Variants in SYT12 observed in about 807,000 individuals in gnomAD.
SYT12 encodes the protein synaptotagmin 12, also known as synaptotagmin-12.
Under a neutral mutation model 39.5 loss-of-function variants are expected in SYT12, and 27 were observed. That is an observed-to-expected ratio of 0.68 (90% CI 0.50 to 0.94). The LOEUF is 0.94. Ranked by LOEUF, SYT12 falls within the 40% of genes least tolerant of loss-of-function variation. The pLI is 0.00. For synonymous variants in SYT12, 233 were observed against 239.7 expected (o/e 0.97, Z 0.26); for missense variants, 536 against 572.6 (o/e 0.94, Z 0.65).
intron 1 of SYT12, among the ~76,000 whole-genome samples, 159 bp downstream of exon 1, chr11:67,023,619 G>A (rs550782795): frequency 7.9e-5 from 12 of 152,238 alleles, no homozygotes; most frequent in Admixed American, 6.5e-4. Flanking sequence ...AACGAATGCC[G>A]GGCACCGCGC....
chr11:67,038,145 C>CTATT (rs34884260), intron 3 of SYT12, among the ~76,000 whole-genome samples: 32,526 of 147,816 alleles, frequency 0.22, 3,842 homozygotes, highest in Middle Eastern at 0.29. Context: ...GAAAATAAAA[C>CTATT]TATTTATTTA....
chr11:67,015,339 T>C (rs979214378), intron 3 of SYT12, among the ~76,000 whole-genome samples: 2 of 152,240 alleles, frequency 1.3e-5, no homozygotes, highest in Non-Finnish European at 2.9e-5. Context: ...CCTGGCCCCA[T>C]GAGTGCTGGC....
intron 7 of SYT12, among the ~76,000 whole-genome samples, chr11:67,047,985 GT>G (rs1388317220): frequency 6.7e-6 from 1 of 148,664 alleles, no homozygotes; most frequent in East Asian, 2.1e-4. Context: ...TAGAGACGGG[GT>G]TTCACCATGT....
At chr11:67,031,560 A>G (rs1950267894) in intron 2 of SYT12, 2 of 152,272 alleles carry the variant, frequency 1.3e-5, no homozygotes, top group African/African-American at 4.8e-5. Flanking sequence ...TAAGTGCTTC[A>G]TAAGGGGAGC....
exon 1 of SYT12, chr11:67,006,830 AG>A (rs1949974129): frequency 6.6e-6 from 1 of 152,252 alleles, no homozygotes; most frequent in Non-Finnish European, 1.5e-5. Flanking sequence ...AGAAGGAAAA[AG>A]GAAGCTGAAG....
chr11:67,047,985 G>A (rs1854617527), intron 7 of SYT12, among the ~76,000 whole-genome samples: 1 of 148,664 alleles, frequency 6.7e-6, no homozygotes, highest in African/African-American at 2.5e-5. Flanking sequence ...TAGAGACGGG[G>A]TTTCACCATG....
upstream of SYT12, among the ~76,000 whole-genome samples, chr11:67,018,483 C>A (rs1383488131): frequency 6.6e-6 from 1 of 152,000 alleles, no homozygotes; most frequent in African/African-American, 2.4e-5. Context: ...CATGATCTTA[C>A]CACCACATTT....
intron 2 of SYT12, among the ~76,000 whole-genome samples, chr11:67,033,634 C>T (rs1950310497): frequency 6.6e-6 from 1 of 152,220 alleles, no homozygotes; most frequent in Non-Finnish European, 1.5e-5. Context: ...GCTCTGTGAC[C>T]TTGGGCAAGT....
intron 3 of SYT12, among the ~76,000 whole-genome samples, chr11:67,017,217 C>T (rs1269080959): frequency 6.6e-6 from 1 of 152,118 alleles, no homozygotes; most frequent in Non-Finnish European, 1.5e-5. Context: ...TAGGCTGAGC[C>T]TCTCTAAAAG....
chr11:67,035,910 C>G lies in SYT12; in HGVS notation c.228+1072C>G, dbSNP rs893262958. Among the ~76,000 whole-genome samples the G allele has an allele frequency of 4.2e-5, 5 of 119,770 alleles. No individual in the cohort carries two copies. In the Admixed American group the frequency reaches 4.5e-4, roughly 11 times the overall value. The allele number at this position is 119,770 out of a possible 152,430, so 78.6% of individuals were successfully genotyped here. A position where few individuals can be genotyped will look rare whatever the true frequency, so the allele number is the denominator to read the frequency against. The stretch of plus-strand genomic sequence containing the variant: ...TCCCTCCCTCCCTCCCTCCTTCCTT[C>G]CTTCCTTTCTTTTCTTTCTTTTGAG... On this transcript the variant is annotated intron_variant, in intron 3 of 7. Transcript: ENST00000527043.
At chr11:67,042,154 C>G (rs1377507662) in intron 4 of SYT12, among the ~76,000 whole-genome samples, 1 of 152,136 alleles carries the variant, frequency 6.6e-6, no homozygotes, top group East Asian at 1.9e-4. Flanking sequence ...GCAGTATGAT[C>G]TTGGTTAAGT....
intron 1 of SYT12, among the ~76,000 whole-genome samples, chr11:67,009,269 G>A (rs1375622468): frequency 2.6e-5 from 4 of 152,106 alleles, no homozygotes; most frequent in African/African-American, 4.8e-5. Flanking sequence ...GCCTCCTGAA[G>A]TGCTGGGGTT....
At chr11:67,035,601 GCA>G (rs2136218145) in intron 3 of SYT12, among the ~76,000 whole-genome samples, 2 of 150,680 alleles carry the variant, frequency 1.3e-5, no homozygotes, top group Middle Eastern at 3.5e-3. Context: ...GGGACTACAG[GCA>G]CCCGCCACCA....
Position 67,036,092 on chromosome 11 carries a change from A to T in SYT12, c.228+1254A>T, listed in dbSNP as rs567208164. On this transcript the variant is annotated intron_variant, in intron 3 of 7. Transcript: ENST00000527043. ...ACCATGCCTAGCTAATTTTTTTTTT[A>T]TTTTTTGTAGAGACGGGGTTTCACC... Among the ~76,000 whole-genome samples the T allele has an allele frequency of 2.0e-3, 299 of 148,980 alleles. 1 individual carries two copies. The highest frequency in any genetic ancestry group is 7.1e-3 in the African/African-American group (283 of 40,100).
intron 3 of SYT12, 43 bp downstream of exon 3, chr11:67,034,881 A>C (rs759351711): frequency 7.0e-7 from 1 of 1,434,464 alleles, no homozygotes; most frequent in East Asian, 2.6e-5. Flanking sequence ...GTGCAACCCC[A>C]TGCCCCTACC....
At position 67,045,786 on chromosome 11, in the gene SYT12, T is replaced by C. The variant is rs1465829409; in HGVS notation, c.1001T>C (p.Met334Thr). 1.2e-6 allele frequency: 2 copies of C among 1,613,416 alleles called. No individual in the cohort carries two copies. Among genetic ancestry groups the C allele is most frequent in the Non-Finnish European group, 1.7e-6 (2 of 1,179,928 alleles). ...TACCTGCTGCAGGATGGGAGGAAGA[T>C]GAGCAAAAAGAAGACAGCCGTGAAG... ...KVYLLQDGRKMSKKKTAVKRD... is the reference protein window; with the variant it reads ...KVYLLQDGRKTSKKKTAVKRD... Residue 334 changes from methionine to threonine, a missense_variant, in exon 7 of 8, where the codon ATG becomes ACG. Coordinates refer to ENST00000527043, the MANE Select transcript of SYT12 (RefSeq NM_177963.4).
chr11:67,023,699 A>G (rs1010227823), intron 1 of SYT12, among the ~76,000 whole-genome samples: 7 of 152,150 alleles, frequency 4.6e-5, no homozygotes, highest in Non-Finnish European at 1.0e-4. Context: ...CCGCATGTGC[A>G]CACACGCGGC....
intron 1 of SYT12, among the ~76,000 whole-genome samples, chr11:67,025,509 CG>C (rs1253436593): frequency 3.3e-5 from 5 of 152,040 alleles, no homozygotes; most frequent in Non-Finnish European, 7.4e-5. Flanking sequence ...GTCTGGACAC[CG>C]GGGATGCTCT....
At chr11:67,019,938 T>C (rs571794549), upstream of SYT12, among the ~76,000 whole-genome samples, 2 of 150,738 alleles carry the variant, frequency 1.3e-5, no homozygotes, top group Non-Finnish European at 2.9e-5. Context: ...GCTGGAGCAC[T>C]AGTCTTGGGG....
Sources: allele counts gnomAD v4.1 joint callset (sites outside exome capture counted in the v4.1 genomes callset), GRCh38; gene constraint gnomAD v4.1.1; transcripts MANE v1.5; gene names NCBI Gene and HGNC (gene_info 2026-07-23, HGNC 2026-07-21).